LHX2: variants seen among roughly 807,000 people sequenced by gnomAD.
The protein encoded by LHX2 is LIM homeobox 2, also known as LIM/homeobox protein Lhx2.
In LHX2, 6 loss-of-function variants were observed where a neutral mutation model predicts 33.0. The observed-to-expected ratio is 0.18, with a 90% CI of 0.10 to 0.36. The LOEUF (loss-of-function observed/expected upper bound fraction) is 0.36. Ranked by LOEUF, LHX2 falls within the 10% of genes least tolerant of loss-of-function variation. LHX2 has a pLI of 1.00. For synonymous variants in LHX2, 292 were observed against 253.1 expected (o/e 1.15, Z -1.46); for missense variants, 442 against 586.2 (o/e 0.75, Z 2.54).
At chr9:124,013,875 G>A (rs1859135577) in intron 1 of LHX2, 86 bp from the exon 2 acceptor site, 1 of 1,255,992 alleles carries the variant, frequency 8.0e-7, no homozygotes, top group Admixed American at 1.8e-5. Flanking sequence ...AGGCCACAGA[G>A]GGAGTTGTGG....
intron 3 of LHX2, among the ~76,000 whole-genome samples, chr9:124,017,942 C>T (rs923539504): frequency 6.6e-5 from 10 of 151,842 alleles, no homozygotes; most frequent in African/African-American, 2.4e-4. Context: ...CAGGAGCGGG[C>T]GAGGGGCCCG....
chr9:124,019,122 C>T (rs1859248139), intron 3 of LHX2, among the ~76,000 whole-genome samples: 1 of 152,230 alleles, frequency 6.6e-6, no homozygotes, highest in East Asian at 1.9e-4. Flanking sequence ...CAGAGGCATC[C>T]TCTGATCCCC....
chr9:124,021,405 T>G, intron 4 of LHX2, 101 bp downstream of exon 4: 1 of 933,594 alleles, frequency 1.1e-6, no homozygotes, highest in Non-Finnish European at 1.6e-6. Context: ...CCACCCTGTG[T>G]CTGCTTCTCT....
At chr9:124,020,687 C>T (rs542179419) in intron 3 of LHX2, among the ~76,000 whole-genome samples, 3 of 152,240 alleles carry the variant, frequency 2.0e-5, no homozygotes, top group African/African-American at 7.2e-5. Context: ...AAAAATAATA[C>T]CTGGTGCTCC....
intron 1 of LHX2, among the ~76,000 whole-genome samples, chr9:124,013,592 T>G (rs1223426018): frequency 6.6e-6 from 1 of 152,164 alleles, no homozygotes; most frequent in African/African-American, 2.4e-5. Flanking sequence ...TAAGAAGCAG[T>G]TTAGGGAAAG....
intron 1 of LHX2, among the ~76,000 whole-genome samples, chr9:124,013,553 T>TG (rs916926664): frequency 2.6e-5 from 4 of 152,230 alleles, no homozygotes; most frequent in African/African-American, 9.6e-5. Context: ...GGTGACTTAA[T>TG]GGTCACCTTA....
chr9:124,017,722 G>C (rs1859215631), intron 3 of LHX2, among the ~76,000 whole-genome samples: 1 of 151,998 alleles, frequency 6.6e-6, no homozygotes, highest in East Asian at 1.9e-4. Flanking sequence ...GAAGGGCGGC[G>C]AGCTGGGGGC....
intron 4 of LHX2, among the ~76,000 whole-genome samples, chr9:124,025,770 G>T (rs1349802107): frequency 6.6e-6 from 1 of 152,074 alleles, no homozygotes; most frequent in Non-Finnish European, 1.5e-5. Flanking sequence ...GATCACTTGA[G>T]GCCAGGCATT....
At position 124,032,539 on chromosome 9, in the gene LHX2, G is replaced by C. The variant is rs149656598; in HGVS notation, c.1053G>C (p.Ser351=). 6 of 1,614,028 alleles carry C rather than the reference G, an allele frequency of 3.7e-6. No homozygotes were observed. The highest frequency in any genetic ancestry group is 2.2e-5 in the East Asian group (1 of 44,880). ...CAGGGACGCCATCGGGCCCGGCCTC[G>C]GAGCTCTCCAACGCCTCGCTCAGCC... ...LQTGTPSGPA[S]ELSNASLSPS... Residue 351 remains serine, a synonymous_variant, in exon 5 of 5, where the codon TCG becomes TCC. Coordinates refer to ENST00000373615, the MANE Select transcript of LHX2 (RefSeq NM_004789.4). This position sits in a 1 kb window ranked among gnomAD's most constrained non-coding sequence, Gnocchi z 4.1.
chr9:124,015,420 C>A lies in LHX2; in HGVS notation c.622C>A (p.Pro208Thr). 1 of 1,599,768 alleles carries A rather than the reference C, an allele frequency of 6.3e-7. No individual in the cohort carries two copies. The highest frequency in any genetic ancestry group is 8.5e-7 in the Non-Finnish European group (1 of 1,173,114). The change falls in exon 3 of 5, where the codon CCT becomes ACT. Residue 208 changes from proline to threonine, a missense_variant. By Grantham distance (38) the Pro-to-Thr change is conservative. Transcript: ENST00000373615. This position sits in a 1 kb window ranked among gnomAD's most constrained non-coding sequence, Gnocchi z 7.9. ...GGGGCTGGGCGCAGCAGGGGCCAAC[C>A]CTCTGGGTCTTCCCTACTACAATGG... ...SAGLGAAGAN[P>T]LGLPYYNGVG...
intron 1 of LHX2, among the ~76,000 whole-genome samples, chr9:124,013,736 G>A (rs1476843280): frequency 6.6e-6 from 1 of 152,282 alleles, no homozygotes; most frequent in African/African-American, 2.4e-5. Context: ...CCCGGCCTGG[G>A]CCCGTGGCTG....
intron 4 of LHX2, among the ~76,000 whole-genome samples, chr9:124,030,836 T>C (rs1828696032): frequency 6.6e-6 from 1 of 152,072 alleles, no homozygotes; most frequent in Non-Finnish European, 1.5e-5. Context: ...TTTCACCATG[T>C]TGGACAGGCT....
At chr9:124,017,040 AAG>A (rs1427461666) in intron 3 of LHX2, among the ~76,000 whole-genome samples, 1 of 152,108 alleles carries the variant, frequency 6.6e-6, no homozygotes, top group Non-Finnish European at 1.5e-5. Context: ...ATTGTGCAAA[AAG>A]AGAGTAGAAG....
Position 124,015,617 on chromosome 9 carries a change from G to T in LHX2, c.727+92G>T. 2 of 1,346,382 alleles carry T rather than the reference G, an allele frequency of 1.5e-6. No homozygotes were observed. The highest frequency in any genetic ancestry group is 2.0e-6 in the Non-Finnish European group (2 of 1,014,688). The allele number at this position is 1,346,382 out of a possible 1,614,324, so 83.4% of individuals were successfully genotyped here. Reference sequence around the variant, plus strand: ...AGCTGGATTGAATCTCTGTGTGCTGGGCAAATAGCGAGCCTTAAGCACCGG... The same window carrying T: ...AGCTGGATTGAATCTCTGTGTGCTGTGCAAATAGCGAGCCTTAAGCACCGG... On this transcript the variant is annotated intron_variant, in intron 3 of 4. Transcript: ENST00000373615. The surrounding 1 kb of genome is among the most constrained non-coding windows in gnomAD (Gnocchi z 7.9).
chr9:124,012,319 C>T lies in LHX2; in HGVS notation c.-30C>T. ...GGGGCAAGCCCTCCCTCGGAGGAGCCGCGCCCCCGGCCCCGCCGGTCCCGC... is the reference window on the plus strand; with the variant it reads ...GGGGCAAGCCCTCCCTCGGAGGAGCTGCGCCCCCGGCCCCGCCGGTCCCGC... On this transcript the variant is annotated 5_prime_UTR_variant, in exon 1 of 5. Transcript: ENST00000373615. This position sits in a 1 kb window ranked among gnomAD's most constrained non-coding sequence, Gnocchi z 4.3. 1 of 1,481,688 alleles carries T rather than the reference C, an allele frequency of 6.7e-7. No homozygotes were observed. The highest frequency in any genetic ancestry group is 2.3e-4 in the Middle Eastern group (1 of 4,264). 91.8% of individuals were successfully genotyped at this position (1,481,688 alleles called of 1,614,324 possible).
At position 124,030,209 on chromosome 9, in the gene LHX2, G is replaced by A. The variant is rs139294713; in HGVS notation, c.934-2211G>A. On this transcript the variant is annotated intron_variant, in intron 4 of 4. Transcript: ENST00000373615. Reference sequence around the variant, plus strand: ...TTTAATTGAGCCCAAATTGTGTTACGCCACCAGAAACGGGGGTTTGAGGCC... The same window carrying A: ...TTTAATTGAGCCCAAATTGTGTTACACCACCAGAAACGGGGGTTTGAGGCC... 2.7e-3 allele frequency among the ~76,000 whole-genome samples: 412 copies of A among 152,328 alleles called. 1 individual carries two copies. The highest frequency in any genetic ancestry group is 9.0e-3 in the African/African-American group (373 of 41,568).
chr9:124,013,381 C>T (rs1173154290), intron 1 of LHX2, among the ~76,000 whole-genome samples: 1 of 152,222 alleles, frequency 6.6e-6, no homozygotes, highest in Admixed American at 6.5e-5. Flanking sequence ...CTGCACCCCA[C>T]TTACCTCATC....
At position 124,032,408 on chromosome 9, in the gene LHX2, C is replaced by G. The variant is rs528795690; in HGVS notation, c.934-12C>G. ...CTTCCGCTCACCAGCCCTTCCCTGT[C>G]GTCCCCCGCAGGTCTGGTTCCAGAA... On this transcript the variant is annotated splice_polypyrimidine_tract_variant and intron_variant, in intron 4 of 4. Transcript: ENST00000373615. This position sits in a 1 kb window ranked among gnomAD's most constrained non-coding sequence, Gnocchi z 4.1. The G allele has an allele frequency of 3.2e-6, 5 of 1,570,432 alleles. No individual in the cohort carries two copies. The highest frequency in any genetic ancestry group is 1.7e-4 in the Middle Eastern group (1 of 5,934).
rs574515783 is a variant in LHX2, at chr9:124,016,970, C to T, written c.727+1445C>T. Among the ~76,000 whole-genome samples, 7 of 152,260 alleles carry T rather than the reference C, an allele frequency of 4.6e-5. No individual in the cohort carries two copies. Among genetic ancestry groups the T allele is most frequent in the Non-Finnish European group, 8.8e-5 (6 of 68,026 alleles). On this transcript the variant is annotated intron_variant, in intron 3 of 4. Coordinates refer to ENST00000373615, the MANE Select transcript of LHX2 (RefSeq NM_004789.4). This position sits in a 1 kb window ranked among gnomAD's most constrained non-coding sequence, Gnocchi z 4.4. ...CCTCGCGGGGCTCGGCTCCAGGGCA[C>T]CTGGTGGCTGGGGAGCTGTATTGTT...
Sources: gnomAD v4.1 joint callset for allele counts (sites outside exome capture counted in the v4.1 genomes callset) on GRCh38, gnomAD v4.1.1 for gene constraint, Gnocchi (gnomAD v3.1) non-coding constraint, MANE v1.5 for transcripts, NCBI Gene and HGNC (gene_info 2026-07-23, HGNC 2026-07-21) for gene names.